FBXW5: variants seen among roughly 807,000 people sequenced by gnomAD.
FBXW5 encodes F-box and WD repeat domain containing 5, also known as F-box/WD repeat-containing protein 5.
FBXW5 carries 74 observed loss-of-function variants against 50.9 expected under a neutral mutation model. That is an observed-to-expected ratio of 1.45 (90% CI 1.20 to 1.76). FBXW5 has a LOEUF of 1.76. FBXW5 is among the 40% of genes most tolerant of loss of function. The pLI, the probability that FBXW5 is intolerant of heterozygous loss-of-function variation, is 0.00. For missense variants in FBXW5, 1,073 were observed against 818.8 expected, an observed-to-expected ratio of 1.31 and a Z score of -3.79; for synonymous variants, 523 against 362.2, an observed-to-expected ratio of 1.44 and a Z score of -5.04.
intron 3 of FBXW5, 23 bp from the exon 4 acceptor site, chr9:136,942,966 G>T: frequency 6.2e-7 from 1 of 1,612,402 alleles, no homozygotes; most frequent in Non-Finnish European, 8.5e-7. Flanking sequence ...GGCGGCTGTA[G>T]TGATCGCCTG....
intron 8 of FBXW5, 25 bp from the exon 9 acceptor site, chr9:136,941,196 C>T (rs752769641): frequency 2.2e-5 from 35 of 1,597,042 alleles, no homozygotes; most frequent in South Asian, 5.5e-5. Flanking sequence ...CTGGGTGAGC[C>T]GGCCGCCCGC....
Position 136,942,636 on chromosome 9 carries a change from G to T in FBXW5, c.586C>A (p.Leu196Ile), listed in dbSNP as rs945128052. 1.2e-6 allele frequency: 2 copies of T among 1,609,528 alleles called. No homozygotes were observed. The highest frequency in any genetic ancestry group is 1.7e-6 in the Non-Finnish European group (2 of 1,178,670). ...NKPYDVFGCWLTETSLISGNL... is the reference protein window; with the variant it reads ...NKPYDVFGCWITETSLISGNL... The stretch of plus-strand genomic sequence containing the variant: ...CCCGAGATGAGGCTGGTCTCGGTGA[G>T]CCAACAGCCAAACACGTCATAGGGC... The change falls in exon 5 of 9, where the codon CTC (leucine) becomes ATC (isoleucine). Residue 196 changes from leucine (L) to isoleucine (I), a missense_variant. Coordinates refer to ENST00000325285, the MANE Select transcript of FBXW5 (RefSeq NM_018998.4).
In FBXW5 at chr9:136,944,567, A is replaced by G. The variant is rs1850960874; in HGVS notation, c.-24+27T>C. 4 of 982,782 alleles carry G rather than the reference A, an allele frequency of 4.1e-6. No individual in the cohort carries two copies. In the South Asian group the frequency reaches 1.4e-4, roughly 34 times the overall value. 60.9% of individuals were successfully genotyped at this position (982,782 alleles called of 1,614,324 possible). A position where few individuals can be genotyped will look rare whatever the true frequency, so the allele number is the denominator to read the frequency against. Reference sequence around the variant, plus strand: ...AGGCGGGCGGGGACGACAAGGCGGGACCCCCGAGGGCCGCAGGCGCACTCA... The same window carrying G: ...AGGCGGGCGGGGACGACAAGGCGGGGCCCCCGAGGGCCGCAGGCGCACTCA... On this transcript the variant is annotated intron_variant, in intron 1 of 8. Transcript: ENST00000325285.
At chr9:136,943,771 G>C (rs1265853613) in intron 2 of FBXW5, 120 bp downstream of exon 2, 9 of 1,171,706 alleles carry the variant, frequency 7.7e-6, no homozygotes, top group South Asian at 4.5e-5. Context: ...ATCAGGGTGT[G>C]GGGGGGTGAG....
rs1035500981 is a variant in FBXW5, at chr9:136,944,662, C to A, written c.-92G>T. ...CCGGACCCGCTTCCGCTGCCGCAGC[C>A]GCTCGGACCGCCGCCCCCGCCCAAC... On this transcript the variant is annotated 5_prime_UTR_variant, in exon 1 of 9. Coordinates refer to ENST00000325285, the MANE Select transcript of FBXW5 (RefSeq NM_018998.4). 3 of 985,590 alleles carry A rather than the reference C, an allele frequency of 3.0e-6. No individual in the cohort carries two copies. The highest frequency in any genetic ancestry group is 3.6e-6 in the Non-Finnish European group (3 of 829,798). 61.1% of individuals were successfully genotyped at this position (985,590 alleles called of 1,614,324 possible).
In FBXW5 at chr9:136,942,699, T is replaced by G; in HGVS notation, c.527-4A>C. 6.2e-7 allele frequency: 1 copy of G among 1,610,074 alleles called. No individual in the cohort carries two copies. Among genetic ancestry groups the G allele is most frequent in the Non-Finnish European group, 8.5e-7 (1 of 1,178,908 alleles). On this transcript the variant is annotated splice_polypyrimidine_tract_variant and splice_region_variant and intron_variant, in intron 4 of 8. Coordinates refer to ENST00000325285, the MANE Select transcript of FBXW5 (RefSeq NM_018998.4). ...CGGGACAGCAGCGCGAAGGAGTCTG[T>G]GGGGAGGCCGGGGCTGGACAGGCTG...
chr9:136,944,616 GCCGCCCCCGCCCTGCGCGAC>G lies in FBXW5; in HGVS notation c.-66_-47del, dbSNP rs1850964074. The stretch of plus-strand genomic sequence containing the variant: ...CACCACGGCCGCCTCCGCCCGCTGC[GCCGCCCCCGCCCTGCGCGAC>G]CCGGACCCGCTTCCGCTGCCGCAGC... On this transcript the variant is annotated 5_prime_UTR_variant, in exon 1 of 9. Transcript: ENST00000325285. 1 of 984,118 alleles carries G rather than the reference GCCGCCCCCGCCCTGCGCGAC, an allele frequency of 1.0e-6. No individual in the cohort carries two copies. Among genetic ancestry groups the G allele is most frequent in the African/African-American group, 1.8e-5 (1 of 57,032 alleles). The allele number at this position is 984,118 out of a possible 1,614,324, so 61.0% of individuals were successfully genotyped here.
rs781025510 is a variant in FBXW5, at chr9:136,942,291, C to T, written c.851G>A (p.Ser284Asn). The T allele has an allele frequency of 2.5e-5, 39 of 1,590,962 alleles. No individual in the cohort carries two copies. The highest frequency in any genetic ancestry group is 3.3e-5 in the Non-Finnish European group (39 of 1,169,686). ...GCCAGCCACCACCTCCTCGTTGTCG[C>T]TGCCCAGGTCAAAGATGCGGCAGGG... Reference protein sequence around the residue: ...TSPCRIFDLGSDNEEVVAGPA... With the variant: ...TSPCRIFDLGNDNEEVVAGPA... The change falls in exon 6 of 9, where the codon AGC becomes AAC. Residue 284 changes from serine to asparagine, a missense_variant. By Grantham distance (46) the Ser-to-Asn change is conservative (BLOSUM62 1). Coordinates refer to ENST00000325285, the MANE Select transcript of FBXW5 (RefSeq NM_018998.4).
chr9:136,944,076 T>C lies in FBXW5; in HGVS notation c.8A>G (p.Glu3Gly). The C allele has an allele frequency of 1.3e-6, 2 of 1,593,496 alleles. No individual in the cohort carries two copies. Among genetic ancestry groups the C allele is most frequent in the East Asian group, 2.3e-5 (1 of 43,628 alleles). Residue 3 changes from glutamate (E) to glycine (G), a missense_variant, in exon 2 of 9, where the codon GAG becomes GGG. Physicochemically the swap from Glu to Gly is moderately conservative, Grantham distance 98 (BLOSUM62 -2). Transcript: ENST00000325285. MDEGGTPLLPDSL... is the reference protein window; with the variant it reads MDGGGTPLLPDSL... ...GTCGGGGAGCAGGGGCGTGCCGCCC[T>C]CGTCCATCGTGACATTCTGCCCAGG... is the stretch of plus-strand genomic sequence containing the variant.
chr9:136,942,263 C>T lies in FBXW5; in HGVS notation c.879G>A (p.Pro293=), dbSNP rs375036618. Residue 293 remains proline, a synonymous_variant, in exon 6 of 9, where the codon CCG becomes CCA. Transcript: ENST00000325285. ...GSDNEEVVAG[P]APAHAKEGLR... ...AGCCCTCCTTGGCGTGGGCGGGGGC[C>T]GGGCCAGCCACCACCTCCTCGTTGT... 1.6e-5 allele frequency: 26 copies of T among 1,581,138 alleles called. No individual in the cohort carries two copies. The highest frequency in any genetic ancestry group is 7.3e-5 in the Admixed American group (4 of 54,842).
intron 3 of FBXW5, among the ~76,000 whole-genome samples, 182 bp downstream of exon 3, chr9:136,943,167 A>G (rs2131358781): frequency 6.6e-6 from 1 of 152,168 alleles, no homozygotes; most frequent in African/African-American, 2.4e-5. Flanking sequence ...CTCAGCACTC[A>G]GGGCCACCCT....
chr9:136,943,059 C>T, intron 3 of FBXW5, 116 bp from the exon 4 acceptor site: 2 of 1,503,984 alleles, frequency 1.3e-6, no homozygotes, highest in African/African-American at 1.4e-5. Context: ...CACCAGGGAG[C>T]AGGGACCCCT....
In FBXW5 at chr9:136,942,934, T is replaced by C. The variant is rs1216346689; in HGVS notation, c.361A>G (p.Asn121Asp). Residue 121 changes from asparagine (N) to aspartate (D), a missense_variant, in exon 4 of 9, where the codon AAC becomes GAC. Transcript: ENST00000325285. Reference sequence around the variant, plus strand: ...TGCAGCAGCGAGATGGTCAGGTCGTTGCTCCAGATCTGTTCGGCAGGGGCG... The same window carrying C: ...TGCAGCAGCGAGATGGTCAGGTCGTCGCTCCAGATCTGTTCGGCAGGGGCG... ...SKDCTVKIWS[N>D]DLTISLLHSA... 23 of 1,612,994 alleles carry C rather than the reference T, an allele frequency of 1.4e-5. No homozygotes were observed. Among genetic ancestry groups the C allele is most frequent in the Non-Finnish European group, 1.9e-5 (23 of 1,179,908 alleles).
At position 136,942,545 on chromosome 9, in the gene FBXW5, A is replaced by C; in HGVS notation, c.675+2T>G. 6.2e-7 allele frequency: 1 copy of C among 1,609,930 alleles called. No individual in the cohort carries two copies. Reference sequence around the variant, plus strand: ...CAGCCCCGCCCCTAGCCCCGCACGCACCTGGAAGGCATTGTTGAGCCACAG... The same window carrying C: ...CAGCCCCGCCCCTAGCCCCGCACGCCCCTGGAAGGCATTGTTGAGCCACAG... On this transcript the variant is annotated splice_donor_variant, in intron 5 of 8. Coordinates refer to ENST00000325285, the MANE Select transcript of FBXW5 (RefSeq NM_018998.4). LOFTEE classifies it high-confidence loss of function.
chr9:136,942,922 T>C lies in FBXW5; in HGVS notation c.373A>G (p.Ile125Val), dbSNP rs746318883. ...TVKIWSNDLT[I>V]SLLHSADMRP... Reference sequence around the variant, plus strand: ...ATGTCCGCGCTGTGCAGCAGCGAGATGGTCAGGTCGTTGCTCCAGATCTGT... The same window carrying C: ...ATGTCCGCGCTGTGCAGCAGCGAGACGGTCAGGTCGTTGCTCCAGATCTGT... Residue 125 changes from isoleucine to valine, a missense_variant, in exon 4 of 9, where the codon ATC becomes GTC. Transcript: ENST00000325285. 1.2e-6 allele frequency: 2 copies of C among 1,613,214 alleles called. No individual in the cohort carries two copies. Among genetic ancestry groups the C allele is most frequent in the South Asian group, 1.1e-5 (1 of 91,068 alleles).
In FBXW5 at chr9:136,940,705, C is replaced by T. The variant is rs1312048285; in HGVS notation, c.*223G>A. ...AGTATCCTGTGTACCCCAAGTTGCCCAGGAGGCCGAGGGGGCCTTGGGCTC... is the reference window on the plus strand; with the variant it reads ...AGTATCCTGTGTACCCCAAGTTGCCTAGGAGGCCGAGGGGGCCTTGGGCTC... On this transcript the variant is annotated 3_prime_UTR_variant, in exon 9 of 9. Transcript: ENST00000325285. The T allele has an allele frequency of 3.0e-6, 2 of 672,208 alleles. No individual in the cohort carries two copies. Among genetic ancestry groups the T allele is most frequent in the African/African-American group, 1.8e-5 (1 of 55,126 alleles). The allele number at this position is 672,208 out of a possible 1,614,324, so 41.6% of individuals were successfully genotyped here.
chr9:136,944,387 G>A lies in FBXW5; in HGVS notation c.-24+207C>T, dbSNP rs1459497136. The A allele has an allele frequency of 8.5e-6, 6 of 703,752 alleles. No individual in the cohort carries two copies. In the South Asian group the frequency reaches 2.0e-4, roughly 23 times the overall value. The allele number at this position is 703,752 out of a possible 1,614,324, so 43.6% of individuals were successfully genotyped here. A position where few individuals can be genotyped will look rare whatever the true frequency, so the allele number is the denominator to read the frequency against. On this transcript the variant is annotated intron_variant, in intron 1 of 8. Transcript: ENST00000325285. Reference sequence around the variant, plus strand: ...CCGCACGCGAGGCACGGGGACACCAGGCGCCGTCCGGGGACGGGCTTCCGC... The same window carrying A: ...CCGCACGCGAGGCACGGGGACACCAAGCGCCGTCCGGGGACGGGCTTCCGC...
rs13286721 is a variant in FBXW5, at chr9:136,943,230, T to G, written c.351+119A>C. On this transcript the variant is annotated intron_variant, in intron 3 of 8. Transcript: ENST00000325285. ...TCCGCTGGATGCAGGGAGGCTGCTGTCACCTCTGGCCTGACCCACCCCCCC... is the reference window on the plus strand; with the variant it reads ...TCCGCTGGATGCAGGGAGGCTGCTGGCACCTCTGGCCTGACCCACCCCCCC... The G allele has an allele frequency of 1.8e-3, 2,366 of 1,321,860 alleles. 8 individuals are homozygous for G. Among genetic ancestry groups the G allele is most frequent in the Non-Finnish European group, 2.0e-3 (1,971 of 961,678 alleles). The allele number at this position is 1,321,860 out of a possible 1,614,324, so 81.9% of individuals were successfully genotyped here. A position where few individuals can be genotyped will look rare whatever the true frequency, so the allele number is the denominator to read the frequency against.
rs761916207 is a variant in FBXW5, at chr9:136,941,087, G to A, written c.1542C>T (p.Asn514=). ...GCTCCTGGGGACTGAAGACCACTGA[G>A]TTGACCACATCCTCGTGCCGCAGCC... ...LARLRHEDVV[N]SVVFSPQEQE... Residue 514 remains asparagine, a synonymous_variant, in exon 9 of 9, where the codon AAC becomes AAT. Transcript: ENST00000325285. The A allele has an allele frequency of 2.5e-6, 4 of 1,571,164 alleles. No individual in the cohort carries two copies. The highest frequency in any genetic ancestry group is 1.9e-5 in the Admixed American group (1 of 53,284).
Sources: gnomAD v4.1 joint callset for allele counts (sites outside exome capture counted in the v4.1 genomes callset) on GRCh38, gnomAD v4.1.1 for gene constraint, MANE v1.5 for transcripts, NCBI Gene and HGNC (gene_info 2026-07-23, HGNC 2026-07-21) for gene names.